Variants in ASB5 observed in about 807,000 individuals in gnomAD.
The protein encoded by ASB5 is ankyrin repeat and SOCS box protein 5.
A neutral mutation model predicts 42.1 loss-of-function variants in ASB5; 45 were observed. The ratio of observed to expected loss-of-function variants is 1.07; its 90% confidence interval spans 0.84 to 1.37. The LOEUF (loss-of-function observed/expected upper bound fraction) is 1.37, where lower values mean the gene tolerates loss of function less well. Among genes scored for constraint, ASB5 ranks in the 40% most tolerant of loss-of-function variants. The probability of loss-of-function intolerance (pLI) is 0.00; values close to 1 mark genes in which losing one functional copy is unlikely to be tolerated. For missense variants in ASB5, 402 were observed against 399.8 expected, an observed-to-expected ratio of 1.01 and a Z score of -0.05; for synonymous variants, 147 against 150.6, an observed-to-expected ratio of 0.98 and a Z score of 0.18.
At chr4:176,270,790 C>T (rs1754455123), upstream of ASB5, among the ~76,000 whole-genome samples, 1 of 152,090 alleles carries the variant, frequency 6.6e-6, no homozygotes, top group Non-Finnish European at 1.5e-5. Context: ...GTGAGTCTTC[C>T]CTCTGGCATG....
intron 1 of ASB5, among the ~76,000 whole-genome samples, chr4:176,259,987 C>T (rs1355876152): frequency 6.6e-6 from 1 of 152,172 alleles, no homozygotes; most frequent in Admixed American, 6.6e-5. Context: ...ATGTTTGCTG[C>T]TCATCTAATC....
chr4:176,233,601 G>A (rs892982060), intron 1 of ASB5, among the ~76,000 whole-genome samples: 1 of 152,126 alleles, frequency 6.6e-6, no homozygotes, highest in Non-Finnish European at 1.5e-5. Flanking sequence ...TATATTGAGT[G>A]TTTCGTGTGC....
chr4:176,244,605 C>A (rs917451717), intron 1 of ASB5, among the ~76,000 whole-genome samples: 1 of 152,106 alleles, frequency 6.6e-6, no homozygotes, highest in African/African-American at 2.4e-5. Context: ...TGTAAACAGT[C>A]ACTTGAGTTA....
chr4:176,249,990 G>A (rs945522222), intron 1 of ASB5, among the ~76,000 whole-genome samples: 4 of 150,520 alleles, frequency 2.7e-5, no homozygotes, highest in Admixed American at 1.3e-4. Context: ...ACATTAACCC[G>A]GGAGGCGGAG....
At chr4:176,221,330 C>G (rs1438449705) in intron 4 of ASB5, 41 bp from the exon 5 acceptor site, 2 of 1,607,006 alleles carry the variant, frequency 1.2e-6, no homozygotes, top group East Asian at 4.5e-5. Flanking sequence ...AATGCCCATC[C>G]ACCCCACACA....
At chr4:176,247,916 T>G (rs1753943142) in intron 1 of ASB5, among the ~76,000 whole-genome samples, 1 of 152,176 alleles carries the variant, frequency 6.6e-6, no homozygotes, top group Non-Finnish European at 1.5e-5. Flanking sequence ...TTCTTAACAA[T>G]TTTAGGATAC....
chr4:176,240,521 A>C (rs1329787897), intron 1 of ASB5, among the ~76,000 whole-genome samples: 1 of 152,210 alleles, frequency 6.6e-6, no homozygotes, highest in Non-Finnish European at 1.5e-5. Flanking sequence ...ACACTTCTGC[A>C]GCAGGGAAAT....
At chr4:176,245,671 G>C (rs555422810) in intron 1 of ASB5, among the ~76,000 whole-genome samples, 1 of 152,246 alleles carries the variant, frequency 6.6e-6, no homozygotes, top group East Asian at 1.9e-4. Context: ...TGACAGACTG[G>C]ATTAAGAAAA....
At chr4:176,254,119 G>A (rs1343904881) in intron 1 of ASB5, among the ~76,000 whole-genome samples, 1 of 152,122 alleles carries the variant, frequency 6.6e-6, no homozygotes, top group Admixed American at 6.6e-5. Flanking sequence ...ACAATCCTAA[G>A]CAAACAGAAC....
Position 176,242,061 on chromosome 4 carries a change from C to T in ASB5, c.197-16720G>A, listed in dbSNP as rs1579324960. On this transcript the variant is annotated intron_variant, in intron 1 of 6. Transcript: ENST00000296525. ...TTACCTCCGCATGTTGCTAAATGAC[C>T]AGTGACGTGTGCAAACACCCACGGC... Among the ~76,000 whole-genome samples the T allele has an allele frequency of 4.6e-5, 7 of 152,172 alleles. No homozygotes were observed. In the South Asian group the frequency reaches 1.2e-3, roughly 27 times the overall value.
At chr4:176,256,427 G>A (rs751617860) in intron 1 of ASB5, among the ~76,000 whole-genome samples, 1 of 152,172 alleles carries the variant, frequency 6.6e-6, no homozygotes, top group Non-Finnish European at 1.5e-5. Flanking sequence ...TGGTAAAGGG[G>A]CAAGGGTTCC....
chr4:176,226,069 A>T (rs924328750), intron 1 of ASB5, among the ~76,000 whole-genome samples: 1 of 152,256 alleles, frequency 6.6e-6, no homozygotes, highest in African/African-American at 2.4e-5. Flanking sequence ...TTCAGGTGTC[A>T]ACCTGACTGA....
At chr4:176,228,732 T>C (rs1753445533) in intron 1 of ASB5, among the ~76,000 whole-genome samples, 1 of 152,198 alleles carries the variant, frequency 6.6e-6, no homozygotes, top group Admixed American at 6.5e-5. Flanking sequence ...GGCAAGGTCA[T>C]AACTTATAGG....
rs186659818 is a variant in ASB5 at position 176,274,396 on chromosome 4, G to T, written c.-90+1400C>A. Among the ~76,000 whole-genome samples, 15 of 152,288 alleles carry T rather than the reference G, an allele frequency of 9.8e-5. No individual in the cohort carries two copies. The East Asian group carries it at 2.7e-3, about 27-fold the overall frequency. ...CCCTGATATATTTATATTTTCTGGA[G>T]TCCTTGTAAAGAGAAATTATGAAGC... On this transcript the variant is annotated intron_variant, in intron 2 of 2. Transcript: ENST00000505299.
chr4:176,255,234 C>A (rs189829568), intron 1 of ASB5, among the ~76,000 whole-genome samples: 3 of 152,084 alleles, frequency 2.0e-5, no homozygotes, highest in Admixed American at 1.3e-4. Flanking sequence ...GGGGAAGCTG[C>A]GGAGAAATGG....
At chr4:176,245,110 CT>C (rs1753884667) in intron 1 of ASB5, among the ~76,000 whole-genome samples, 1 of 152,130 alleles carries the variant, frequency 6.6e-6, no homozygotes, top group South Asian at 2.1e-4. Context: ...CGTTATGAAG[CT>C]ATGCAAACAT....
upstream of ASB5, among the ~76,000 whole-genome samples, chr4:176,273,960 A>C (rs985202257): frequency 6.6e-6 from 1 of 152,180 alleles, no homozygotes; most frequent in Non-Finnish European, 1.5e-5. Context: ...ATCTTGCCCA[A>C]CCTAAGTCCA....
intron 1 of ASB5, among the ~76,000 whole-genome samples, chr4:176,233,950 G>A (rs913518421): frequency 2.0e-4 from 30 of 152,092 alleles, no homozygotes; most frequent in Admixed American, 1.6e-3. Flanking sequence ...AAAACCCTCT[G>A]CATAATCCTT....
intron 1 of ASB5, among the ~76,000 whole-genome samples, chr4:176,229,441 T>C (rs73007158): frequency 0.01 from 1,575 of 152,330 alleles, 39 homozygotes; most frequent in African/African-American, 0.036. Context: ...CTAATGTGTT[T>C]GTTCATCAAA....
Sources: allele counts gnomAD v4.1 joint callset (sites outside exome capture counted in the v4.1 genomes callset), GRCh38; gene constraint gnomAD v4.1.1; transcripts MANE v1.5; gene names NCBI Gene and HGNC (gene_info 2026-07-23, HGNC 2026-07-21).